FBN2: variants seen among roughly 807,000 people sequenced by gnomAD.
FBN2 encodes fibrillin 2.
In FBN2, 105 loss-of-function variants were observed where a neutral mutation model predicts 355.6. The ratio of observed to expected loss-of-function variants is 0.30; its 90% CI spans 0.25 to 0.35. The LOEUF is 0.35. FBN2 is among the 10% of genes least tolerant of loss of function. The pLI is 1.00. For synonymous variants in FBN2, 1,350 were observed against 1,301.2 expected, an observed-to-expected ratio of 1.04 and a Z score of -0.81; for missense variants, 3,280 against 3,758.7, an observed-to-expected ratio of 0.87 and a Z score of 3.33.
Position 128,519,372 on chromosome 5 carries a change from C to T in FBN2, c.533-4G>A. The T allele has an allele frequency of 6.2e-7, 1 of 1,612,744 alleles. No individual in the cohort carries two copies. Among genetic ancestry groups the T allele is most frequent in the Non-Finnish European group, 8.5e-7 (1 of 1,178,950 alleles). ...TGACATCCATTTTCACAGACAGCTG[C>T]ATACAAAAATAGCAAGAAGCTCATT... On this transcript the variant is annotated splice_polypyrimidine_tract_variant and splice_region_variant and intron_variant, in intron 4 of 64. Coordinates refer to ENST00000262464, the MANE Select transcript of FBN2 (RefSeq NM_001999.4).
intron 34 of FBN2, chr5:128,328,437 G>A (rs995039486): frequency 6.6e-6 from 4 of 607,602 alleles, no homozygotes; most frequent in Middle Eastern, 4.3e-4. Flanking sequence ...AGAAAGAAGA[G>A]AAGAAATGGT....
intron 46 of FBN2, among the ~76,000 whole-genome samples, chr5:128,302,253 G>A (rs1008044038): frequency 9.8e-5 from 15 of 152,288 alleles, no homozygotes; most frequent in African/African-American, 3.4e-4. Context: ...ATACCTTGCA[G>A]GGCCATGCGA....
intron 36 of FBN2, among the ~76,000 whole-genome samples, chr5:128,315,409 A>T (rs976751153): frequency 1.6e-4 from 25 of 152,212 alleles, no homozygotes; most frequent in Admixed American, 1.3e-4. Context: ...GGTTTCAAAC[A>T]CATCTCTAAT....
intron 34 of FBN2, among the ~76,000 whole-genome samples, chr5:128,325,797 T>G (rs528066319): frequency 6.6e-6 from 1 of 152,168 alleles, no homozygotes; most frequent in Non-Finnish European, 1.5e-5. Flanking sequence ...CCTTTCTCTA[T>G]GCTAGCAATT....
At chr5:128,430,985 T>A (rs1450399735) in intron 7 of FBN2, among the ~76,000 whole-genome samples, 1 of 152,240 alleles carries the variant, frequency 6.6e-6, no homozygotes, top group Non-Finnish European at 1.5e-5. Context: ...GACAAACTCA[T>A]AAACATAGAA....
intron 8 of FBN2, among the ~76,000 whole-genome samples, chr5:128,403,841 A>C (rs1057359820): frequency 6.6e-6 from 1 of 152,098 alleles, no homozygotes; most frequent in Non-Finnish European, 1.5e-5. Flanking sequence ...TATACAATGA[A>C]AGCGGAAAAT....
chr5:128,311,157 A>T, intron 39 of FBN2, 143 bp downstream of exon 39: 1 of 761,246 alleles, frequency 1.3e-6, no homozygotes, highest in African/African-American at 1.8e-5. Flanking sequence ...CAACTTAGCT[A>T]CATTGATATG....
intron 48 of FBN2, among the ~76,000 whole-genome samples, chr5:128,296,685 C>A (rs984725744): frequency 7.9e-5 from 12 of 152,122 alleles, no homozygotes; most frequent in Non-Finnish European, 8.8e-5. Flanking sequence ...ATGGTGATAT[C>A]CCCTTTATCA....
Position 128,259,004 on chromosome 5 carries a change from T to G in FBN2, c.*451A>C, listed in dbSNP as rs1438802790. On this transcript the variant is annotated 3_prime_UTR_variant, in exon 65 of 65. Coordinates refer to ENST00000262464, the MANE Select transcript of FBN2 (RefSeq NM_001999.4). ...ATAAATCTAAAGAAAAACAAGTGAG[T>G]TTCCCTTTTTGTTTACATAGTTTGT... 6.4e-6 allele frequency: 1 copy of G among 155,860 alleles called. No homozygotes were observed. The highest frequency in any genetic ancestry group is 2.4e-5 in the African/African-American group (1 of 41,382). The allele number at this position is 155,860 out of a possible 1,614,324, so 9.7% of individuals were successfully genotyped here.
chr5:128,467,107 T>TC (rs1369525895), intron 5 of FBN2, among the ~76,000 whole-genome samples: 2 of 152,182 alleles, frequency 1.3e-5, no homozygotes, highest in Non-Finnish European at 2.9e-5. Flanking sequence ...ACCAAATTCA[T>TC]AAATAAACCA....
chr5:128,336,996 A>C (rs2126900218), intron 27 of FBN2, among the ~76,000 whole-genome samples: 1 of 152,320 alleles, frequency 6.6e-6, no homozygotes, highest in South Asian at 2.1e-4. Flanking sequence ...TATATTCTGC[A>C]TTGTTCCTTT....
intron 5 of FBN2, among the ~76,000 whole-genome samples, chr5:128,467,980 C>T (rs779055805): frequency 6.6e-6 from 1 of 152,096 alleles, no homozygotes; most frequent in African/African-American, 2.4e-5. Flanking sequence ...AATTTACGTA[C>T]CATAATTCGC....
rs751288146 is a variant in FBN2 at position 128,290,930 on chromosome 5, T to C, written c.6293-46A>G. 20 of 1,559,512 alleles carry C rather than the reference T, an allele frequency of 1.3e-5. No homozygotes were observed. The South Asian group carries it at 1.7e-4, about 13-fold the overall frequency. On this transcript the variant is annotated intron_variant, in intron 49 of 64. Coordinates refer to ENST00000262464, the MANE Select transcript of FBN2 (RefSeq NM_001999.4). The stretch of plus-strand genomic sequence containing the variant: ...TACAGATGGAATTATTTTGTAACAC[T>C]GTTTGGACAGAACATTTCTCATTGT...
chr5:128,505,909 A>G (rs1353666862), intron 5 of FBN2, among the ~76,000 whole-genome samples: 1 of 152,182 alleles, frequency 6.6e-6, no homozygotes, highest in East Asian at 1.9e-4. Flanking sequence ...GCAGTTTGGC[A>G]CTATTACAAA....
chr5:128,380,020 A>G (rs1465796534), intron 11 of FBN2, among the ~76,000 whole-genome samples: 1 of 152,094 alleles, frequency 6.6e-6, no homozygotes, highest in African/African-American at 2.4e-5. Context: ...ACTGAATGCA[A>G]TTAAGCCCCT....
chr5:128,436,210 T>C (rs1259107272), intron 7 of FBN2, among the ~76,000 whole-genome samples: 2 of 152,320 alleles, frequency 1.3e-5, no homozygotes, highest in East Asian at 1.9e-4. Context: ...TTTTGCCTCG[T>C]ATGTCAGCTC....
intron 61 of FBN2, among the ~76,000 whole-genome samples, chr5:128,272,393 A>T (rs985952814): frequency 8.6e-5 from 13 of 151,352 alleles, no homozygotes; most frequent in Non-Finnish European, 1.6e-4. Context: ...CAGCAAGTCA[A>T]CCATAGCAAC....
chr5:128,502,050 C>A lies in FBN2; in HGVS notation c.628+17223G>T, dbSNP rs550672972. Among the ~76,000 whole-genome samples the A allele has an allele frequency of 2.0e-5, 3 of 151,558 alleles. No homozygotes were observed. In the South Asian group the frequency reaches 6.3e-4, roughly 32 times the overall value. The stretch of plus-strand genomic sequence containing the variant: ...ATATACATGATTATAAAGTAAAAAC[C>A]CTTTGGGTATCCAGGAAAAAACAGC... On this transcript the variant is annotated intron_variant, in intron 5 of 64. Coordinates refer to ENST00000262464, the MANE Select transcript of FBN2 (RefSeq NM_001999.4).
intron 7 of FBN2, among the ~76,000 whole-genome samples, chr5:128,433,839 C>T (rs1245443147): frequency 2.0e-5 from 3 of 152,110 alleles, no homozygotes; most frequent in African/African-American, 7.2e-5. Context: ...AGAAAATACA[C>T]AGTAATATGT....
Sources: gnomAD v4.1 joint callset for allele counts (sites outside exome capture counted in the v4.1 genomes callset) on GRCh38, gnomAD v4.1.1 for gene constraint, MANE v1.5 for transcripts, NCBI Gene and HGNC (gene_info 2026-07-23, HGNC 2026-07-21) for gene names.